ARHGAP15: variants seen among roughly 807,000 people sequenced by gnomAD.
ARHGAP15 encodes the protein Rho GTPase activating protein 15.
In ARHGAP15, 51 loss-of-function variants were observed where a neutral mutation model predicts 63.7. The observed-to-expected ratio is 0.80, with a 90% CI of 0.64 to 1.01. The LOEUF (loss-of-function observed/expected upper bound fraction) is 1.01. Ranked by LOEUF, ARHGAP15 falls within the 50% of genes least tolerant of loss-of-function variation. ARHGAP15 has a pLI of 0.00. For synonymous variants in ARHGAP15, 191 were observed against 193.8 expected (o/e 0.99, Z 0.12); for missense variants, 560 against 564.6 (o/e 0.99, Z 0.08).
intron 6 of ARHGAP15, among the ~76,000 whole-genome samples, chr2:143,372,553 T>C (rs1686609058): frequency 6.6e-6 from 1 of 152,088 alleles, no homozygotes; most frequent in African/African-American, 2.4e-5. Context: ...ATATATAAAC[T>C]TCATATTGTA....
At chr2:143,217,546 A>G (rs978680315) in intron 4 of ARHGAP15, among the ~76,000 whole-genome samples, 3 of 152,180 alleles carry the variant, frequency 2.0e-5, no homozygotes, top group African/African-American at 7.2e-5. Flanking sequence ...CACAGGAGAC[A>G]AGATCAAATG....
At chr2:143,765,996 C>CACAGTATG (rs1223538646) in intron 13 of ARHGAP15, among the ~76,000 whole-genome samples, 1 of 152,140 alleles carries the variant, frequency 6.6e-6, no homozygotes, top group African/African-American at 2.4e-5. Context: ...CTTTGCTGGC[C>CACAGTATG]ACAGTATGTG....
intron 8 of ARHGAP15, among the ~76,000 whole-genome samples, chr2:143,458,767 T>C (rs1690779419): frequency 6.6e-6 from 1 of 152,190 alleles, no homozygotes; most frequent in Non-Finnish European, 1.5e-5. Context: ...CTCAGCTGTT[T>C]TGACATTTTC....
intron 13 of ARHGAP15, among the ~76,000 whole-genome samples, chr2:143,738,440 C>A (rs554050690): frequency 5.9e-5 from 9 of 152,304 alleles, no homozygotes; most frequent in African/African-American, 1.9e-4. Context: ...GCCATCCCAG[C>A]AGATACCAAT....
chr2:143,214,870 C>G (rs1692688297), intron 3 of ARHGAP15, among the ~76,000 whole-genome samples: 1 of 152,172 alleles, frequency 6.6e-6, no homozygotes, highest in African/African-American at 2.4e-5. Context: ...TGGAACAACT[C>G]CTTTACCTCT....
chr2:143,176,134 G>C (rs189415047), intron 2 of ARHGAP15, among the ~76,000 whole-genome samples: 30 of 152,234 alleles, frequency 2.0e-4, no homozygotes, highest in African/African-American at 7.2e-4. Context: ...GAGGAAGAGA[G>C]ATGACTTAAT....
chr2:143,584,293 T>C (rs1266783556), intron 11 of ARHGAP15, among the ~76,000 whole-genome samples: 1 of 152,182 alleles, frequency 6.6e-6, no homozygotes, highest in Non-Finnish European at 1.5e-5. Flanking sequence ...AGAATAGCCA[T>C]GCTATTGCAA....
chr2:143,507,931 C>T (rs889114197), intron 9 of ARHGAP15, among the ~76,000 whole-genome samples: 1 of 151,298 alleles, frequency 6.6e-6, no homozygotes. Flanking sequence ...TTTCACTACC[C>T]CCCTGATGAG....
intron 12 of ARHGAP15, among the ~76,000 whole-genome samples, chr2:143,632,668 T>TA (rs1291974251): frequency 2.0e-5 from 3 of 152,126 alleles, no homozygotes; most frequent in African/African-American, 7.2e-5. Flanking sequence ...CCTCATCAGA[T>TA]AAAAATAATA....
chr2:143,501,317 C>G (rs1349601997), intron 9 of ARHGAP15, among the ~76,000 whole-genome samples: 1 of 152,136 alleles, frequency 6.6e-6, no homozygotes, highest in Non-Finnish European at 1.5e-5. Context: ...GAAGCCTTTA[C>G]AATGTTACAA....
At chr2:143,263,494 A>G (rs1680838748) in intron 6 of ARHGAP15, among the ~76,000 whole-genome samples, 2 of 152,144 alleles carry the variant, frequency 1.3e-5, no homozygotes, top group Non-Finnish European at 2.9e-5. Context: ...AGAAAAAGCC[A>G]TGATGTTGAG....
intron 8 of ARHGAP15, among the ~76,000 whole-genome samples, chr2:143,447,269 A>T (rs1690185805): frequency 6.6e-6 from 1 of 152,210 alleles, no homozygotes; most frequent in African/African-American, 2.4e-5. Context: ...AAGCAAGGAA[A>T]GATTTTATTT....
intron 6 of ARHGAP15, among the ~76,000 whole-genome samples, chr2:143,312,623 G>C (rs1270673753): frequency 6.6e-6 from 1 of 152,004 alleles, no homozygotes; most frequent in Non-Finnish European, 1.5e-5. Flanking sequence ...AAAATATTTG[G>C]CAGTGAATTC....
chr2:143,457,530 T>G (rs1460030107), intron 8 of ARHGAP15, among the ~76,000 whole-genome samples: 1 of 151,306 alleles, frequency 6.6e-6, no homozygotes, highest in Non-Finnish European at 1.5e-5. Flanking sequence ...CTGTGTTGTT[T>G]TTTTTTAATA....
intron 11 of ARHGAP15, among the ~76,000 whole-genome samples, chr2:143,621,521 T>C (rs551041020): frequency 5.9e-5 from 9 of 152,304 alleles, no homozygotes; most frequent in African/African-American, 2.2e-4. Context: ...CCTTGGTTGA[T>C]TATGAAAACT....
intron 2 of ARHGAP15, among the ~76,000 whole-genome samples, chr2:143,186,532 T>A (rs1440587479): frequency 1.3e-5 from 2 of 152,340 alleles, no homozygotes; most frequent in East Asian, 3.9e-4. Context: ...GAATTGCCAC[T>A]GATTTCAAAT....
chr2:143,466,914 C>T (rs1691241630), intron 8 of ARHGAP15, among the ~76,000 whole-genome samples: 1 of 152,030 alleles, frequency 6.6e-6, no homozygotes, highest in Non-Finnish European at 1.5e-5. Context: ...ATGTTCATTC[C>T]AAACACAAAA....
intron 6 of ARHGAP15, among the ~76,000 whole-genome samples, chr2:143,298,384 C>T (rs1037899476): frequency 1.3e-5 from 2 of 151,924 alleles, no homozygotes; most frequent in Non-Finnish European, 2.9e-5. Flanking sequence ...GTATTGACAG[C>T]ACTTTGTTTT....
At chr2:143,512,777 G>T (rs1693646252) in intron 9 of ARHGAP15, among the ~76,000 whole-genome samples, 1 of 152,228 alleles carries the variant, frequency 6.6e-6, no homozygotes, top group South Asian at 2.1e-4. Flanking sequence ...CCTGGAGTAG[G>T]CACTGGAAAG....
Sources: allele counts gnomAD v4.1 joint callset (sites outside exome capture counted in the v4.1 genomes callset), GRCh38; gene constraint gnomAD v4.1.1; transcripts MANE v1.5; gene names NCBI Gene and HGNC (gene_info 2026-07-23, HGNC 2026-07-21).